IPMK: variants seen among roughly 807,000 people sequenced by gnomAD.
IPMK encodes inositol 1,3,4,6-tetrakisphosphate 5-kinase.
A neutral mutation model predicts 45.8 loss-of-function variants in IPMK; 17 were observed. That is an observed-to-expected ratio of 0.37 (90% CI 0.25 to 0.56). The LOEUF (loss-of-function observed/expected upper bound fraction) is 0.56, where lower values mean the gene tolerates loss of function less well. Ranked by LOEUF, IPMK falls within the 20% of genes least tolerant of loss-of-function variation. IPMK has a pLI of 0.79. For missense variants in IPMK, 399 were observed against 498.0 expected (o/e 0.80, Z 1.89); for synonymous variants, 180 against 184.3 (o/e 0.98, Z 0.19).
At chr10:58,205,803 A>G (rs1206098083) in intron 4 of IPMK, among the ~76,000 whole-genome samples, 1 of 152,230 alleles carries the variant, frequency 6.6e-6, no homozygotes, top group Non-Finnish European at 1.5e-5. Flanking sequence ...TAACAACAAC[A>G]AAAAACTGTA....
At chr10:58,253,188 C>G (rs565608125) in intron 1 of IPMK, among the ~76,000 whole-genome samples, 4 of 152,106 alleles carry the variant, frequency 2.6e-5, no homozygotes. Flanking sequence ...TCTTGCCTGC[C>G]GCTATGTAAA....
intron 4 of IPMK, among the ~76,000 whole-genome samples, chr10:58,214,247 C>A (rs1018037078): frequency 6.6e-6 from 1 of 151,998 alleles, no homozygotes; most frequent in Non-Finnish European, 1.5e-5. Flanking sequence ...GATAGGAGGA[C>A]GGAAAATTCT....
chr10:58,263,128 G>T (rs1839099266), intron 1 of IPMK, among the ~76,000 whole-genome samples: 1 of 152,226 alleles, frequency 6.6e-6, no homozygotes, highest in Non-Finnish European at 1.5e-5. Flanking sequence ...ACTCATTCCT[G>T]TAATCCTAGC....
In IPMK at chr10:58,193,412, T is replaced by C. The variant is rs1837844512; in HGVS notation, c.*2664A>G. On this transcript the variant is annotated 3_prime_UTR_variant, in exon 6 of 6. Transcript: ENST00000373935. ...AGTTGAAATACCACAAGCTCCACAT[T>C]AGAGCCATTTAATATACACATTTCC... 1 of 151,862 alleles carries C rather than the reference T, an allele frequency of 6.6e-6. No individual in the cohort carries two copies. 9.4% of individuals were successfully genotyped at this position (151,862 alleles called of 1,614,324 possible).
chr10:58,246,446 C>T (rs530026245), intron 1 of IPMK, among the ~76,000 whole-genome samples: 1 of 139,094 alleles, frequency 7.2e-6, no homozygotes, highest in African/African-American at 3.1e-5. Flanking sequence ...GTACTGGTAC[C>T]AAAACACAGA....
intron 2 of IPMK, among the ~76,000 whole-genome samples, chr10:58,237,047 G>T (rs1838624178): frequency 6.6e-6 from 1 of 152,180 alleles, no homozygotes; most frequent in African/African-American, 2.4e-5. Context: ...CTGCACTTCA[G>T]CCTGGGCAAC....
chr10:58,267,281 G>A, intron 1 of IPMK, 141 bp downstream of exon 1: 5 of 765,524 alleles, frequency 6.5e-6, no homozygotes, highest in Non-Finnish European at 1.1e-5. Context: ...GAGGCTTCGG[G>A]GGACAGCGGA....
intron 3 of IPMK, among the ~76,000 whole-genome samples, chr10:58,217,078 G>A (rs1838254190): frequency 6.6e-6 from 1 of 150,830 alleles, no homozygotes; most frequent in South Asian, 2.1e-4. Context: ...CGAACTTCTG[G>A]CCTCAAGTGA....
chr10:58,240,706 G>A (rs978473482), intron 1 of IPMK, among the ~76,000 whole-genome samples: 5 of 150,860 alleles, frequency 3.3e-5, no homozygotes, highest in African/African-American at 1.2e-4. Flanking sequence ...CCCATGGAGC[G>A]GAATGGGAAG....
At chr10:58,213,597 G>A (rs981100613) in intron 4 of IPMK, among the ~76,000 whole-genome samples, 1 of 151,854 alleles carries the variant, frequency 6.6e-6, no homozygotes, top group Non-Finnish European at 1.5e-5. Flanking sequence ...TGAGGCAGGA[G>A]AATGGCATGA....
In IPMK at chr10:58,227,044, G is replaced by A. The variant is rs61749177; in HGVS notation, c.372C>T (p.Asn124=). The A allele has an allele frequency of 0.011, 17,735 of 1,593,950 alleles. 159 individuals carry two copies. Among genetic ancestry groups the A allele is most frequent in the Middle Eastern group, 0.03 (167 of 5,584 alleles). Residue 124 remains asparagine (N), a splice_region_variant and synonymous_variant, in exon 3 of 6, where the codon AAC becomes AAT. Transcript: ENST00000373935. ...YGIWSPPTAP[N]DLYLKLEDVT... is the part of the protein sequence containing the mutation. ...AGATAATTTTTATGACAAGATTACC[G>A]TTTGGTGCAGTGGGAGGTGACCAGA... is the stretch of plus-strand genomic sequence containing the variant.
chr10:58,212,775 G>T, intron 4 of IPMK: 1 of 224,082 alleles, frequency 4.5e-6, no homozygotes, highest in Admixed American at 5.5e-5. Context: ...AGTTCTTGTA[G>T]GTGTTTTTTG....
In IPMK at chr10:58,195,012, G is replaced by A. The variant is rs1045134255; in HGVS notation, c.*1064C>T. ...AGAGTGAAATAGAAGCATGAATATA[G>A]ATACGCACCAAACCCTATATTACGG... is the stretch of plus-strand genomic sequence containing the variant. On this transcript the variant is annotated 3_prime_UTR_variant, in exon 6 of 6. Transcript: ENST00000373935. 2 of 151,888 alleles carry A rather than the reference G, an allele frequency of 1.3e-5. No homozygotes were observed. Among genetic ancestry groups the A allele is most frequent in the Admixed American group, 6.6e-5 (1 of 15,260 alleles). The allele number at this position is 151,888 out of a possible 1,614,324, so 9.4% of individuals were successfully genotyped here.
intron 1 of IPMK, among the ~76,000 whole-genome samples, chr10:58,251,523 C>T (rs1020217519): frequency 1.3e-5 from 2 of 152,132 alleles, no homozygotes; most frequent in Non-Finnish European, 2.9e-5. Context: ...CAATTTAACT[C>T]TGGAGACTGT....
intron 2 of IPMK, among the ~76,000 whole-genome samples, chr10:58,236,934 G>A (rs778200717): frequency 1.2e-4 from 18 of 152,100 alleles, no homozygotes; most frequent in African/African-American, 3.9e-4. Flanking sequence ...GCCGGGCTGC[G>A]TGGCACACGC....
At chr10:58,235,152 A>C (rs148748978) in intron 2 of IPMK, among the ~76,000 whole-genome samples, 14,218 of 152,268 alleles carry the variant, frequency 0.093, 836 homozygotes, top group Non-Finnish European at 0.13. Context: ...GCAATCATTA[A>C]AAAGTCAGGA....
chr10:58,236,021 CG>C (rs1838607271), intron 2 of IPMK, among the ~76,000 whole-genome samples: 2 of 151,270 alleles, frequency 1.3e-5, no homozygotes, highest in Admixed American at 1.3e-4. Flanking sequence ...CTCCACCTCC[CG>C]GGTTCAAATG....
chr10:58,232,098 T>A (rs952006425), intron 2 of IPMK, among the ~76,000 whole-genome samples: 17 of 152,042 alleles, frequency 1.1e-4, no homozygotes, highest in African/African-American at 4.1e-4. Context: ...TACACAATAG[T>A]AAAGGGATCA....
Position 58,267,588 on chromosome 10 carries a change from G to A in IPMK, c.24C>T (p.Pro8=), listed in dbSNP as rs374269923. 5.6e-6 allele frequency: 9 copies of A among 1,603,370 alleles called. No homozygotes were observed. In the African/African-American group the frequency reaches 8.0e-5, roughly 14 times the overall value. ...GGGGGCCCGGCGCCTCGACCCGGAG[G>A]GGGGATGGTGGCTCTGTTGCCATAA... The part of the protein sequence containing the change: MATEPPS[P]LRVEAPGPPE... The change falls in exon 1 of 6, where the codon CCC becomes CCT. Residue 8 remains proline (P), a synonymous_variant. Transcript: ENST00000373935.
Sources: gnomAD v4.1 joint callset for allele counts (sites outside exome capture counted in the v4.1 genomes callset) on GRCh38, gnomAD v4.1.1 for gene constraint, MANE v1.5 for transcripts, NCBI Gene and HGNC (gene_info 2026-07-23, HGNC 2026-07-21) for gene names.